MEI4: variants seen among roughly 807,000 people sequenced by gnomAD.
MEI4 encodes meiotic double-stranded break formation protein 4.
In MEI4, 27 loss-of-function variants were observed where a neutral mutation model predicts 31.4. The observed-to-expected ratio is 0.86, with a 90% confidence interval of 0.63 to 1.19. MEI4 has a LOEUF of 1.19. Among genes scored for constraint, MEI4 ranks in the 50% most tolerant of loss-of-function variants. The probability of loss-of-function intolerance (pLI) is 0.00; values close to 1 mark genes in which losing one functional copy is unlikely to be tolerated. For synonymous variants in MEI4, 122 were observed against 145.4 expected, an observed-to-expected ratio of 0.84 and a Z score of 1.16; for missense variants, 329 against 398.9, an observed-to-expected ratio of 0.82 and a Z score of 1.49.
intron 1 of MEI4, among the ~76,000 whole-genome samples, chr6:77,670,697 C>T (rs1768722545): frequency 6.6e-6 from 1 of 152,068 alleles, no homozygotes; most frequent in Non-Finnish European, 1.5e-5. Context: ...TGCATATTTG[C>T]TCAAAAAGTC....
chr6:77,746,895 C>A (rs1163998894), intron 2 of MEI4, among the ~76,000 whole-genome samples: 2 of 151,850 alleles, frequency 1.3e-5, no homozygotes, highest in East Asian at 3.9e-4. Context: ...TTTTTATGTG[C>A]GATGCATGAA....
intron 2 of MEI4, among the ~76,000 whole-genome samples, chr6:77,710,643 C>T (rs1333356716): frequency 6.6e-6 from 1 of 151,452 alleles, no homozygotes; most frequent in Non-Finnish European, 1.5e-5. Flanking sequence ...CTCTTTGCCT[C>T]TTTTGTATTG....
At chr6:77,693,539 T>C (rs980571145) in intron 2 of MEI4, among the ~76,000 whole-genome samples, 4 of 152,052 alleles carry the variant, frequency 2.6e-5, no homozygotes, top group African/African-American at 9.7e-5. Context: ...AAAAATCATA[T>C]AATTAAAGTC....
chr6:77,741,935 C>CA, intron 2 of MEI4, among the ~76,000 whole-genome samples: 1 of 152,060 alleles, frequency 6.6e-6, no homozygotes, highest in Admixed American at 6.6e-5. Context: ...CATGTCCCTA[C>CA]AAAGGACATG....
rs573425582 is a variant in MEI4 at position 77,841,913 on chromosome 6, A to G, written c.900+12851A>G. Among the ~76,000 whole-genome samples the G allele has an allele frequency of 3.3e-5, 5 of 152,280 alleles. No individual in the cohort carries two copies. In the South Asian group the frequency reaches 1.0e-3, roughly 32 times the overall value. On this transcript the variant is annotated intron_variant, in intron 4 of 4. Coordinates refer to ENST00000684080, the MANE Select transcript of MEI4 (RefSeq NM_001322247.2). ...TATAATGATAAATGTGTGTGAGCCT[A>G]CCAAATGCTTGAAACTTCCAAATCG...
intron 2 of MEI4, among the ~76,000 whole-genome samples, chr6:77,725,100 A>G (rs1415690286): frequency 9.6e-6 from 1 of 103,878 alleles, no homozygotes; most frequent in African/African-American, 3.7e-5. Flanking sequence ...TTTTAGATCT[A>G]AAGTTCCTTG....
At chr6:77,796,602 A>G (rs932795337) in intron 3 of MEI4, among the ~76,000 whole-genome samples, 1 of 152,190 alleles carries the variant, frequency 6.6e-6, no homozygotes, top group Non-Finnish European at 1.5e-5. Context: ...CAAGGAAGCA[A>G]TCCCATTTAT....
Position 77,655,421 on chromosome 6 carries a change from T to C in MEI4, c.-15+2329T>C, listed in dbSNP as rs190890589. On this transcript the variant is annotated intron_variant, in intron 1 of 4. Transcript: ENST00000684080. ...TTAAGCATGAGCCCTCCAATAAATA[T>C]GAGAAGAACCAACATTTCTTCTTCC... Among the ~76,000 whole-genome samples the C allele has an allele frequency of 4.5e-3, 691 of 152,332 alleles. 6 individuals are homozygous for C. Among genetic ancestry groups the C allele is most frequent in the African/African-American group, 0.016 (673 of 41,584 alleles).
At chr6:77,705,650 T>TG (rs1221575092) in intron 2 of MEI4, among the ~76,000 whole-genome samples, 1 of 152,172 alleles carries the variant, frequency 6.6e-6, no homozygotes, top group East Asian at 1.9e-4. Flanking sequence ...AATGTGTATG[T>TG]GGGATCCACA....
At chr6:77,693,538 A>G (rs1181762637) in intron 2 of MEI4, among the ~76,000 whole-genome samples, 2 of 152,074 alleles carry the variant, frequency 1.3e-5, no homozygotes, top group East Asian at 1.9e-4. Flanking sequence ...AAAAAATCAT[A>G]TAATTAAAGT....
At chr6:77,693,414 A>T (rs2127653040) in intron 2 of MEI4, among the ~76,000 whole-genome samples, 1 of 152,222 alleles carries the variant, frequency 6.6e-6, no homozygotes, top group Admixed American at 6.5e-5. Flanking sequence ...TAATACTGAT[A>T]AAATGTGCAT....
chr6:77,751,689 A>G (rs1767779550), intron 2 of MEI4, among the ~76,000 whole-genome samples: 2 of 152,326 alleles, frequency 1.3e-5, no homozygotes, highest in South Asian at 2.1e-4. Flanking sequence ...CCAGAGGTAC[A>G]AAAAGGAGCT....
intron 2 of MEI4, among the ~76,000 whole-genome samples, chr6:77,699,656 T>C (rs1407203230): frequency 1.3e-5 from 2 of 152,220 alleles, no homozygotes; most frequent in East Asian, 3.9e-4. Flanking sequence ...AGAGGCACTC[T>C]GCTTTTTGGA....
In MEI4 at chr6:77,924,047, T is replaced by C. The variant is rs1405242484; in HGVS notation, c.*701T>C. On this transcript the variant is annotated 3_prime_UTR_variant, in exon 5 of 5. Coordinates refer to ENST00000684080, the MANE Select transcript of MEI4 (RefSeq NM_001322247.2). Reference sequence around the variant, plus strand: ...TAATAGTCTTGTAATTGTTAAATAGTATACAATTAAGTCACTAGACATATT... The same window carrying C: ...TAATAGTCTTGTAATTGTTAAATAGCATACAATTAAGTCACTAGACATATT... 6.6e-6 allele frequency: 1 copy of C among 151,782 alleles called. No individual in the cohort carries two copies. Among genetic ancestry groups the C allele is most frequent in the Non-Finnish European group, 1.5e-5 (1 of 67,830 alleles). 9.4% of individuals were successfully genotyped at this position (151,782 alleles called of 1,614,324 possible).
chr6:77,883,027 T>C (rs1251489350), intron 4 of MEI4, among the ~76,000 whole-genome samples: 1 of 152,180 alleles, frequency 6.6e-6, no homozygotes, highest in African/African-American at 2.4e-5. Context: ...AATAATTGCT[T>C]ATAACGCATA....
intron 1 of MEI4, among the ~76,000 whole-genome samples, chr6:77,681,914 C>T (rs180753551): frequency 1.3e-5 from 2 of 152,206 alleles, no homozygotes; most frequent in African/African-American, 2.4e-5. Context: ...TTTGAAATCT[C>T]GAGTAAATCC....
chr6:77,884,979 C>A (rs1458497115), intron 4 of MEI4, among the ~76,000 whole-genome samples: 1 of 152,074 alleles, frequency 6.6e-6, no homozygotes, highest in Non-Finnish European at 1.5e-5. Context: ...CTCTTCCAAT[C>A]CCTGAGCATG....
intron 1 of MEI4, among the ~76,000 whole-genome samples, chr6:77,671,834 C>T (rs186291345): frequency 2.0e-5 from 3 of 152,198 alleles, no homozygotes; most frequent in South Asian, 2.1e-4. Context: ...ATTAGGTATG[C>T]CCAGAGGGAT....
At chr6:77,686,044 A>G (rs947951624) in intron 1 of MEI4, among the ~76,000 whole-genome samples, 4 of 151,978 alleles carry the variant, frequency 2.6e-5, no homozygotes, top group African/African-American at 9.7e-5. Flanking sequence ...CTGGTTGTGA[A>G]AAAGAGTCTG....
Sources: allele counts gnomAD v4.1 joint callset (sites outside exome capture counted in the v4.1 genomes callset), GRCh38; gene constraint gnomAD v4.1.1; transcripts MANE v1.5; gene names NCBI Gene and HGNC (gene_info 2026-07-23, HGNC 2026-07-21).